The following ULK4 variants were observed in gnomAD, a reference collection of about 807,000 sequenced individuals.
ULK4 encodes unc-51 like kinase 4, also known as inactive serine/threonine-protein kinase ULK4.
In ULK4, 133 loss-of-function variants were observed where a neutral mutation model predicts 160.6. The observed-to-expected ratio is 0.83, with a 90% CI of 0.72 to 0.96. The LOEUF (loss-of-function observed/expected upper bound fraction) is 0.96, where lower values mean the gene tolerates loss of function less well. ULK4 is among the 40% of genes least tolerant of loss of function. The pLI is 0.00. For synonymous variants in ULK4, 534 were observed against 539.8 expected, an observed-to-expected ratio of 0.99 and a Z score of 0.15; for missense variants, 1,580 against 1,499.5, an observed-to-expected ratio of 1.05 and a Z score of -0.89.
At chr3:41,330,788 G>C (rs182700842) in intron 35 of ULK4, among the ~76,000 whole-genome samples, 1 of 152,222 alleles carries the variant, frequency 6.6e-6, no homozygotes. Context: ...GTAGTCTGAG[G>C]TTCTGGGTTT....
At chr3:41,623,947 A>G (rs970581071) in intron 30 of ULK4, among the ~76,000 whole-genome samples, 3 of 152,262 alleles carry the variant, frequency 2.0e-5, no homozygotes, top group Non-Finnish European at 2.9e-5. Context: ...ATACACAATT[A>G]TAATTGTCAG....
chr3:41,314,704 G>T (rs1335881002), intron 35 of ULK4, among the ~76,000 whole-genome samples: 1 of 152,128 alleles, frequency 6.6e-6, no homozygotes, highest in East Asian at 1.9e-4. Flanking sequence ...TAGAAATATG[G>T]TCTGAGTATA....
At chr3:41,491,284 C>G (rs1325255706) in intron 32 of ULK4, among the ~76,000 whole-genome samples, 2 of 151,702 alleles carry the variant, frequency 1.3e-5, no homozygotes, top group African/African-American at 4.8e-5. Flanking sequence ...GTTATTCAAT[C>G]TATAAAAGCT....
intron 17 of ULK4, among the ~76,000 whole-genome samples, chr3:41,864,120 C>A (rs558177657): frequency 6.6e-6 from 1 of 152,252 alleles, no homozygotes; most frequent in East Asian, 1.9e-4. Context: ...CTCAAGCTCC[C>A]ACCATTGGGA....
intron 32 of ULK4, among the ~76,000 whole-genome samples, chr3:41,490,754 A>G (rs1346475941): frequency 1.3e-5 from 2 of 152,214 alleles, no homozygotes; most frequent in African/African-American, 2.4e-5. Context: ...TATTAAAGGT[A>G]TTCATTGAAT....
intron 35 of ULK4, among the ~76,000 whole-genome samples, chr3:41,371,913 T>C (rs1416483381): frequency 6.6e-6 from 1 of 151,926 alleles, no homozygotes; most frequent in African/African-American, 2.4e-5. Flanking sequence ...GTTAGAGGAA[T>C]TGCTAACTAA....
chr3:41,767,971 G>A (rs887415174), intron 21 of ULK4, among the ~76,000 whole-genome samples: 2 of 152,196 alleles, frequency 1.3e-5, no homozygotes, highest in African/African-American at 4.8e-5. Context: ...GAACCCGGCT[G>A]CACAGCAGAA....
At chr3:41,267,160 C>T (rs1206870170) in intron 35 of ULK4, among the ~76,000 whole-genome samples, 2 of 151,902 alleles carry the variant, frequency 1.3e-5, no homozygotes, top group African/African-American at 4.8e-5. Context: ...AGTTGCCTCC[C>T]CTTGCCCCGC....
Position 41,307,981 on chromosome 3 carries a change from C to T in ULK4, c.3679-58407G>A, listed in dbSNP as rs112920609. Among the ~76,000 whole-genome samples, 10 of 152,164 alleles carry T rather than the reference C, an allele frequency of 6.6e-5. 1 individual carries two copies. The highest frequency in any genetic ancestry group is 1.7e-4 in the African/African-American group (7 of 41,520). ...TTTGCTACCCAAAAGCTTGAGTTTC[C>T]GCAGCATTTAAGGGCAGATACAAGA... On this transcript the variant is annotated intron_variant, in intron 35 of 36. Transcript: ENST00000301831.
At chr3:41,447,081 C>G (rs1379396470) in intron 34 of ULK4, among the ~76,000 whole-genome samples, 3 of 21,752 alleles carry the variant, frequency 1.4e-4, no homozygotes, top group African/African-American at 5.2e-4. Flanking sequence ...GAGACTCTGT[C>G]TCAAAAAAAA....
chr3:41,282,964 C>G (rs140814981), intron 35 of ULK4, among the ~76,000 whole-genome samples: 1 of 151,932 alleles, frequency 6.6e-6, no homozygotes, highest in Admixed American at 6.6e-5. Context: ...GAAAAAACAA[C>G]CCCATCAAAA....
At chr3:41,781,274 G>A (rs373660411) in intron 21 of ULK4, among the ~76,000 whole-genome samples, 167 of 151,920 alleles carry the variant, frequency 1.1e-3, no homozygotes, top group African/African-American at 3.6e-3. Context: ...AAAATTAGCC[G>A]GGCATGGTGG....
At chr3:41,829,713 T>G (rs141948713) in intron 18 of ULK4, among the ~76,000 whole-genome samples, 38,063 of 151,164 alleles carry the variant, frequency 0.25, 5,942 homozygotes, top group African/African-American at 0.44. Context: ...GTAAACTAGT[T>G]CAACCATTGT....
chr3:41,900,348 C>G (rs1367750373), intron 13 of ULK4, among the ~76,000 whole-genome samples: 1 of 152,130 alleles, frequency 6.6e-6, no homozygotes, highest in Non-Finnish European at 1.5e-5. Flanking sequence ...CGAAATACAT[C>G]AGAGACTAGA....
At chr3:41,854,478 C>T (rs1243617960) in intron 17 of ULK4, among the ~76,000 whole-genome samples, 2 of 152,168 alleles carry the variant, frequency 1.3e-5, no homozygotes. Flanking sequence ...GTGGGCAAAA[C>T]TGCCACAGTG....
chr3:41,283,460 T>C (rs1260332637), intron 35 of ULK4, among the ~76,000 whole-genome samples: 4 of 152,174 alleles, frequency 2.6e-5, no homozygotes, highest in Non-Finnish European at 5.9e-5. Context: ...TGGAATACTA[T>C]GCAGCCATAA....
chr3:41,771,840 T>C (rs887789614), intron 21 of ULK4, among the ~76,000 whole-genome samples: 7 of 152,214 alleles, frequency 4.6e-5, no homozygotes, highest in African/African-American at 1.2e-4. Flanking sequence ...AAACATACAA[T>C]AGAGTGATTT....
At chr3:41,331,280 G>A (rs768520308) in intron 35 of ULK4, among the ~76,000 whole-genome samples, 3 of 152,176 alleles carry the variant, frequency 2.0e-5, no homozygotes, top group Non-Finnish European at 4.4e-5. Context: ...GCATGTAAGA[G>A]ACATTAAGAG....
At chr3:41,609,472 C>T (rs2032555933) in intron 31 of ULK4, among the ~76,000 whole-genome samples, 1 of 151,950 alleles carries the variant, frequency 6.6e-6, no homozygotes. Flanking sequence ...AAAGAAACAC[C>T]TCACATGTAC....
Sources: gnomAD v4.1 joint callset for allele counts (sites outside exome capture counted in the v4.1 genomes callset) on GRCh38, gnomAD v4.1.1 for gene constraint, MANE v1.5 for transcripts, NCBI Gene and HGNC (gene_info 2026-07-23, HGNC 2026-07-21) for gene names.